Variants in CHODL observed in about 807,000 individuals in gnomAD.
The protein encoded by CHODL is chondrolectin, also known as transmembrane protein MT75.
Under a neutral mutation model 34.5 loss-of-function variants are expected in CHODL, and 29 were observed. The observed-to-expected ratio is 0.84, with a 90% CI of 0.63 to 1.15. The LOEUF is 1.15. Ranked by LOEUF, CHODL falls within the 50% of genes most tolerant of loss-of-function variation. CHODL has a pLI of 0.00. For missense variants in CHODL, 332 were observed against 332.5 expected, an observed-to-expected ratio of 1.00 and a Z score of 0.01; for synonymous variants, 125 against 116.1, an observed-to-expected ratio of 1.08 and a Z score of -0.49.
At chr21:18,167,226 T>TGG (rs1568919650) in intron 2 of CHODL, among the ~76,000 whole-genome samples, 2 of 118,158 alleles carry the variant, frequency 1.7e-5, no homozygotes, top group African/African-American at 7.9e-5. Context: ...TGTGTGTGTG[T>TGG]GTGTGTGTGT....
intron 2 of CHODL, among the ~76,000 whole-genome samples, chr21:18,159,412 A>AT (rs957149874): frequency 1.1e-4 from 17 of 151,646 alleles, no homozygotes; most frequent in Admixed American, 2.0e-4. Flanking sequence ...GCTGTTTGAG[A>AT]TTTTTTTTTC....
intron 2 of CHODL, among the ~76,000 whole-genome samples, chr21:18,170,032 T>C (rs1221747791): frequency 6.6e-6 from 1 of 152,112 alleles, no homozygotes; most frequent in South Asian, 2.1e-4. Context: ...AAATGAGGCA[T>C]TGGATTTTGC....
intron 2 of CHODL, among the ~76,000 whole-genome samples, chr21:18,032,511 T>C (rs1009544608): frequency 1.3e-5 from 2 of 152,002 alleles, no homozygotes; most frequent in African/African-American, 2.4e-5. Flanking sequence ...TTCGGGGGAA[T>C]TGATTCCTAC....
chr21:18,198,699 G>C (rs1390383938), intron 2 of CHODL, among the ~76,000 whole-genome samples: 3 of 152,004 alleles, frequency 2.0e-5, no homozygotes, highest in Non-Finnish European at 4.4e-5. Context: ...TGTGACTCCA[G>C]GATGTGCCCA....
At chr21:18,119,053 C>T (rs193085945) in intron 2 of CHODL, among the ~76,000 whole-genome samples, 512 of 152,144 alleles carry the variant, frequency 3.4e-3, no homozygotes, top group Middle Eastern at 0.01. Context: ...TTAAAAACCA[C>T]GACTCTTTAA....
At chr21:18,096,821 G>A (rs1200722164) in intron 2 of CHODL, among the ~76,000 whole-genome samples, 1 of 151,886 alleles carries the variant, frequency 6.6e-6, no homozygotes, top group Non-Finnish European at 1.5e-5. Context: ...CTCTCTATTC[G>A]TTCACTCCCT....
intron 2 of CHODL, among the ~76,000 whole-genome samples, chr21:18,197,469 C>T (rs571333052): frequency 5.3e-5 from 8 of 151,940 alleles, no homozygotes; most frequent in African/African-American, 1.5e-4. Context: ...AAAGATTAGC[C>T]GGGCGTGGTG....
chr21:18,104,609 A>G (rs1003790402), intron 2 of CHODL, among the ~76,000 whole-genome samples: 1 of 152,204 alleles, frequency 6.6e-6, no homozygotes, highest in African/African-American at 2.4e-5. Context: ...CTGTAGGCCA[A>G]TATAGGACTG....
intron 2 of CHODL, among the ~76,000 whole-genome samples, chr21:18,156,460 AT>A (rs1455351593): frequency 6.6e-6 from 1 of 152,218 alleles, no homozygotes; most frequent in African/African-American, 2.4e-5. Context: ...TCAATTAAAA[AT>A]AAAATTTAAA....
chr21:18,014,683 C>T (rs548518510), intron 1 of CHODL, among the ~76,000 whole-genome samples: 1 of 152,154 alleles, frequency 6.6e-6, no homozygotes, highest in Non-Finnish European at 1.5e-5. Flanking sequence ...CCTCTACTCT[C>T]TCTCGTTCCT....
At chr21:18,057,870 A>G (rs775091836) in intron 2 of CHODL, among the ~76,000 whole-genome samples, 14 of 152,112 alleles carry the variant, frequency 9.2e-5, no homozygotes, top group Non-Finnish European at 1.5e-4. Flanking sequence ...GTACATATTC[A>G]TGGAGTACAA....
intron 1 of CHODL, among the ~76,000 whole-genome samples, chr21:17,973,573 T>C (rs745375177): frequency 2.0e-5 from 3 of 148,578 alleles, no homozygotes; most frequent in African/African-American, 7.6e-5. Context: ...CCCACCACCA[T>C]GCCCAGCTAA....
rs139344937 is a variant in CHODL at position 17,929,436 on chromosome 21, T to C, written c.-145+12036T>C. 9.9e-3 allele frequency among the ~76,000 whole-genome samples: 1,514 copies of C among 152,316 alleles called. 25 individuals carry two copies. The highest frequency in any genetic ancestry group is 0.035 in the African/African-American group (1,440 of 41,570). Reference sequence around the variant, plus strand: ...TGGGTTCCTCTTCCATGGAGATGAATCAAAATAGTAAATATTCACACTTTG... The same window carrying C: ...TGGGTTCCTCTTCCATGGAGATGAACCAAAATAGTAAATATTCACACTTTG... On this transcript the variant is annotated intron_variant, in intron 1 of 6. Coordinates refer to the CHODL transcript ENST00000400127.
intron 5 of CHODL, among the ~76,000 whole-genome samples, chr21:18,265,121 G>T (rs2074437162): frequency 6.6e-6 from 1 of 151,048 alleles, no homozygotes; most frequent in African/African-American, 2.4e-5. Context: ...TGTAGGTGTG[G>T]AACCAACCCA....
intron 2 of CHODL, among the ~76,000 whole-genome samples, chr21:18,112,720 G>T (rs1000744405): frequency 3.3e-5 from 5 of 152,126 alleles, no homozygotes; most frequent in Non-Finnish European, 7.4e-5. Flanking sequence ...ATAGGCAAAA[G>T]AATTAAACTA....
chr21:17,972,575 C>T (rs185822340), intron 1 of CHODL, among the ~76,000 whole-genome samples: 9 of 152,216 alleles, frequency 5.9e-5, no homozygotes, highest in East Asian at 3.9e-4. Flanking sequence ...CCTAGGAATC[C>T]GACTTACAAG....
intron 2 of CHODL, among the ~76,000 whole-genome samples, chr21:18,040,306 C>A (rs1171957729): frequency 6.6e-6 from 1 of 151,804 alleles, no homozygotes; most frequent in Non-Finnish European, 1.5e-5. Flanking sequence ...TCTGTATTAT[C>A]TTTACAAAAG....
At chr21:18,123,163 C>T (rs2065501166) in intron 2 of CHODL, among the ~76,000 whole-genome samples, 1 of 152,210 alleles carries the variant, frequency 6.6e-6, no homozygotes, top group Admixed American at 6.5e-5. Context: ...CCCCGAGGAG[C>T]TTCTTCAGAT....
intron 1 of CHODL, among the ~76,000 whole-genome samples, chr21:17,927,186 G>GTA (rs1429793617): frequency 3.4e-5 from 5 of 146,010 alleles, no homozygotes; most frequent in Admixed American, 2.0e-4. Flanking sequence ...GTATATATAT[G>GTA]TATATGTATG....
Sources: allele counts gnomAD v4.1 joint callset (sites outside exome capture counted in the v4.1 genomes callset), GRCh38; gene constraint gnomAD v4.1.1; transcripts MANE v1.5; gene names NCBI Gene and HGNC (gene_info 2026-07-23, HGNC 2026-07-21).